Variants in TMEM40 observed in about 807,000 individuals in gnomAD.
The protein encoded by TMEM40 is transmembrane protein 40.
A neutral mutation model predicts 40.8 loss-of-function variants in TMEM40; 34 were observed. The observed-to-expected ratio is 0.83, with a 90% CI of 0.63 to 1.11. TMEM40 has a LOEUF of 1.11. Among genes scored for constraint, TMEM40 ranks in the 50% least tolerant of loss-of-function variants. The pLI is 0.00. For synonymous variants in TMEM40, 106 were observed against 107.0 expected (o/e 0.99, Z 0.06); for missense variants, 296 against 280.2 (o/e 1.06, Z -0.40).
intron 5 of TMEM40, chr3:12,741,238 C>T (rs2106609302): frequency 6.6e-6 from 1 of 152,418 alleles, no homozygotes; most frequent in East Asian, 1.9e-4. Flanking sequence ...GGCGTCCTTC[C>T]CATACCATTC....
chr3:12,763,767 T>C (rs912044055), upstream of TMEM40, among the ~76,000 whole-genome samples: 5 of 152,120 alleles, frequency 3.3e-5, no homozygotes, highest in African/African-American at 1.2e-4. Context: ...GGTGTTCTTG[T>C]GATGAGGCTG....
chr3:12,750,474 T>C (rs1234908445), intron 1 of TMEM40, among the ~76,000 whole-genome samples: 1 of 152,186 alleles, frequency 6.6e-6, no homozygotes, highest in Non-Finnish European at 1.5e-5. Flanking sequence ...GCCCATGTGC[T>C]ATGAGTCTCT....
At chr3:12,740,691 C>T (rs563281705) in intron 5 of TMEM40, among the ~76,000 whole-genome samples, 2 of 152,040 alleles carry the variant, frequency 1.3e-5, no homozygotes, top group Admixed American at 1.3e-4. Flanking sequence ...AACCCTGTCT[C>T]TACCAAAAAT....
chr3:12,734,681 C>A lies in TMEM40; in HGVS notation c.*93G>T. ...TATTGGTCTGGCTTGGTCTCCTGTG[C>A]GTCTCTCAGAATGCTGCTCTGCCCT... On this transcript the variant is annotated 3_prime_UTR_variant, in exon 12 of 12. Coordinates refer to ENST00000314124, the MANE Select transcript of TMEM40 (RefSeq NM_018306.4). 7.0e-7 allele frequency: 1 copy of A among 1,422,782 alleles called. No homozygotes were observed. The highest frequency in any genetic ancestry group is 9.6e-7 in the Non-Finnish European group (1 of 1,040,126). The allele number at this position is 1,422,782 out of a possible 1,614,324, so 88.1% of individuals were successfully genotyped here.
At chr3:12,748,869 G>T in intron 2 of TMEM40, 77 bp from the exon 3 acceptor site, 2 of 1,335,890 alleles carry the variant, frequency 1.5e-6, no homozygotes, top group Non-Finnish European at 1.0e-6. Context: ...CCTCTCCAGG[G>T]TTCTACTTGG....
At chr3:12,751,497 C>T (rs533247026) in intron 1 of TMEM40, among the ~76,000 whole-genome samples, 29 of 151,990 alleles carry the variant, frequency 1.9e-4, no homozygotes, top group Middle Eastern at 3.4e-3. Flanking sequence ...CCAGGCTGGT[C>T]TCGAACTCCT....
chr3:12,758,470 C>T (rs1445308885), intron 1 of TMEM40, among the ~76,000 whole-genome samples: 1 of 151,684 alleles, frequency 6.6e-6, no homozygotes, highest in Non-Finnish European at 1.5e-5. Flanking sequence ...GGCTCTAGGA[C>T]AAGGATGACA....
intron 8 of TMEM40, among the ~76,000 whole-genome samples, chr3:12,737,366 G>A (rs546105898): frequency 5.9e-5 from 9 of 152,056 alleles, no homozygotes; most frequent in African/African-American, 1.9e-4. Context: ...CAGCTCAGCT[G>A]ACCCTCCAGT....
At chr3:12,737,908 G>T (rs1360333915) in intron 7 of TMEM40, 154 bp from the exon 8 acceptor site, 2 of 948,416 alleles carry the variant, frequency 2.1e-6, no homozygotes, top group Admixed American at 2.1e-5. Flanking sequence ...GAAGATGGGG[G>T]TACTGTCCTT....
upstream of TMEM40, among the ~76,000 whole-genome samples, chr3:12,762,061 C>T (rs990229234): frequency 1.7e-4 from 26 of 151,964 alleles, no homozygotes; most frequent in Non-Finnish European, 3.7e-4. Context: ...GAAATGGGCT[C>T]GAGTGATCCT....
upstream of TMEM40, among the ~76,000 whole-genome samples, chr3:12,761,934 TATTG>T (rs1337143805): frequency 1.3e-5 from 2 of 152,200 alleles, no homozygotes; most frequent in Admixed American, 6.5e-5. Context: ...ATAATTTTTG[TATTG>T]ATTATCTATT....
intron 5 of TMEM40, chr3:12,739,072 A>ATG: frequency 1.2e-5 from 2 of 160,218 alleles, no homozygotes; most frequent in Non-Finnish European, 2.8e-5. Context: ...ATAATCGCTC[A>ATG]AACCCAGGAG....
chr3:12,765,267 A>G (rs2061589085), intron 1 of TMEM40, among the ~76,000 whole-genome samples: 1 of 152,236 alleles, frequency 6.6e-6, no homozygotes, highest in Non-Finnish European at 1.5e-5. Flanking sequence ...TATTGTTTTA[A>G]GCAGAAAAAT....
intron 8 of TMEM40, 64 bp from the exon 9 acceptor site, chr3:12,736,899 G>A (rs1270439453): frequency 4.4e-6 from 7 of 1,600,748 alleles, no homozygotes; most frequent in Non-Finnish European, 2.6e-6. Flanking sequence ...GGGCAGAGGA[G>A]ACAAGGTCTT....
chr3:12,758,144 G>C (rs958711339), intron 1 of TMEM40, among the ~76,000 whole-genome samples: 1 of 151,674 alleles, frequency 6.6e-6, no homozygotes, highest in Non-Finnish European at 1.5e-5. Context: ...AATAAGGCAG[G>C]GAGCAGGGCA....
chr3:12,750,255 T>C (rs1456298337), intron 1 of TMEM40, among the ~76,000 whole-genome samples: 1 of 151,794 alleles, frequency 6.6e-6, no homozygotes, highest in Non-Finnish European at 1.5e-5. Flanking sequence ...GATTCAAGTG[T>C]GAGCCACCAT....
intron 7 of TMEM40, 77 bp downstream of exon 7, chr3:12,738,059 C>T: frequency 6.3e-7 from 1 of 1,575,284 alleles, no homozygotes; most frequent in South Asian, 1.1e-5. Flanking sequence ...CCCACCCTCT[C>T]AGGCTGTCTG....
chr3:12,748,598 T>A (rs904760319), intron 3 of TMEM40, 57 bp downstream of exon 3: 3 of 1,567,328 alleles, frequency 1.9e-6, no homozygotes, highest in African/African-American at 1.4e-5. Context: ...GGGGGATTAT[T>A]TCCCCATGTA....
chr3:12,758,988 C>G (rs977767577), intron 1 of TMEM40, among the ~76,000 whole-genome samples: 2 of 152,148 alleles, frequency 1.3e-5, no homozygotes, highest in African/African-American at 4.8e-5. Flanking sequence ...AACCTCAACA[C>G]AACCCAGGAA....
Sources: gnomAD v4.1 joint callset for allele counts (sites outside exome capture counted in the v4.1 genomes callset) on GRCh38, gnomAD v4.1.1 for gene constraint, MANE v1.5 for transcripts, NCBI Gene and HGNC (gene_info 2026-07-23, HGNC 2026-07-21) for gene names.